Variants in INTS13 observed in about 807,000 individuals in gnomAD.
The protein encoded by INTS13 is asunder, spermatogenesis regulator homolog (Drosphila).
A neutral mutation model predicts 90.2 loss-of-function variants in INTS13; 35 were observed. That is an observed-to-expected ratio of 0.39 (90% CI 0.30 to 0.51). The LOEUF (loss-of-function observed/expected upper bound fraction) is 0.51, where lower values mean the gene tolerates loss of function less well. Ranked by LOEUF, INTS13 falls within the 20% of genes least tolerant of loss-of-function variation. The probability of loss-of-function intolerance (pLI) is 0.80; values close to 1 mark genes in which losing one functional copy is unlikely to be tolerated. For synonymous variants in INTS13, 309 were observed against 277.1 expected, an observed-to-expected ratio of 1.11 and a Z score of -1.14; for missense variants, 601 against 851.2, an observed-to-expected ratio of 0.71 and a Z score of 3.66.
intron 7 of INTS13, among the ~76,000 whole-genome samples, chr12:26,923,226 G>A (rs900478340): frequency 6.6e-6 from 1 of 152,076 alleles, no homozygotes; most frequent in Non-Finnish European, 1.5e-5. Flanking sequence ...AAAGATTGAA[G>A]AGTCACACCA....
intron 8 of INTS13, among the ~76,000 whole-genome samples, chr12:26,920,127 C>CA (rs34416699): frequency 0.53 from 71,109 of 134,298 alleles, 18,051 homozygotes; most frequent in East Asian, 0.79. Flanking sequence ...GACTCTGTCT[C>CA]AAAAAAAAAA....
chr12:26,907,144 G>C (rs1156241558), intron 15 of INTS13, among the ~76,000 whole-genome samples: 1 of 152,150 alleles, frequency 6.6e-6, no homozygotes, highest in Non-Finnish European at 1.5e-5. Flanking sequence ...TAAGGCAAAA[G>C]AATTACAATA....
upstream of INTS13, chr12:26,938,306 TC>T (rs1331738428): frequency 6.6e-6 from 1 of 152,224 alleles, no homozygotes; most frequent in Non-Finnish European, 1.5e-5. Flanking sequence ...CAGGCCGGTT[TC>T]CCCTGGAAAA....
intron 6 of INTS13, 56 bp from the exon 7 acceptor site, chr12:26,924,539 ACTG>A: frequency 6.6e-7 from 1 of 1,515,200 alleles, no homozygotes; most frequent in Non-Finnish European, 9.0e-7. Flanking sequence ...ATTGTGACCT[ACTG>A]CTAAATATTT....
intron 5 of INTS13, among the ~76,000 whole-genome samples, chr12:26,926,703 A>G (rs1232328128): frequency 6.6e-6 from 1 of 152,182 alleles, no homozygotes; most frequent in African/African-American, 2.4e-5. Flanking sequence ...GGGTGCTAGG[A>G]GCATCTTTTG....
intron 5 of INTS13, among the ~76,000 whole-genome samples, chr12:26,926,382 G>T (rs1354000703): frequency 6.6e-6 from 1 of 152,122 alleles, no homozygotes; most frequent in Non-Finnish European, 1.5e-5. Context: ...AGCTATATTT[G>T]CTTTCTCTAT....
At chr12:26,919,781 T>C (rs1952054950) in intron 8 of INTS13, among the ~76,000 whole-genome samples, 1 of 152,030 alleles carries the variant, frequency 6.6e-6, no homozygotes, top group African/African-American at 2.4e-5. Context: ...CATGTTGAAG[T>C]GTAGGTGACT....
intron 8 of INTS13, 69 bp downstream of exon 8, chr12:26,922,547 T>G (rs1199465510): frequency 1.7e-6 from 2 of 1,185,852 alleles, no homozygotes; most frequent in Non-Finnish European, 2.4e-6. Flanking sequence ...TCCCTGAGGA[T>G]GTGGGGGCTA....
chr12:26,929,095 G>T (rs1938047417), intron 3 of INTS13, 190 bp from the exon 4 acceptor site: 2 of 544,498 alleles, frequency 3.7e-6, no homozygotes, highest in Non-Finnish European at 3.2e-6. Flanking sequence ...ATTTATTCTA[G>T]GAATGCAAAG....
intron 14 of INTS13, among the ~76,000 whole-genome samples, chr12:26,912,121 T>A (rs2137422328): frequency 6.6e-6 from 1 of 152,158 alleles, no homozygotes; most frequent in East Asian, 1.9e-4. Flanking sequence ...TACATATGTT[T>A]GAAATTTTCC....
At chr12:26,928,021 G>C (rs893540833) in intron 5 of INTS13, among the ~76,000 whole-genome samples, 184 bp downstream of exon 5, 2 of 151,350 alleles carry the variant, frequency 1.3e-5, no homozygotes, top group African/African-American at 4.9e-5. Flanking sequence ...TCTTGTGGGA[G>C]AAAAGTAAAT....
At chr12:26,917,522 ACT>A in intron 9 of INTS13, 81 bp from the exon 10 acceptor site, 1 of 1,239,524 alleles carries the variant, frequency 8.1e-7, no homozygotes, top group Non-Finnish European at 1.2e-6. Context: ...AAACTTCTTC[ACT>A]GAGTTCATTG....
intron 6 of INTS13, 56 bp from the exon 7 acceptor site, chr12:26,924,539 A>G (rs1235933441): frequency 2.0e-6 from 3 of 1,515,200 alleles, no homozygotes; most frequent in Middle Eastern, 1.8e-4. Context: ...ATTGTGACCT[A>G]CTGCTAAATA....
rs1253727891 is a variant in INTS13, at chr12:26,917,748, CAG to C, written c.890-17_890-16del. On this transcript the variant is annotated splice_polypyrimidine_tract_variant and intron_variant, in intron 8 of 16. Transcript: ENST00000261191. ...ATGCGAATCACCTTTAAAAATATGT[CAG>C]AGACATTACACATTGTATACATGTA... is the stretch of plus-strand genomic sequence containing the variant. The C allele has an allele frequency of 3.8e-6, 6 of 1,586,522 alleles. No homozygotes were observed. The African/African-American group carries it at 5.4e-5, about 14-fold the overall frequency.
chr12:26,928,554 CAAAAAAAAA>C (rs374722209), intron 4 of INTS13, 140 bp downstream of exon 4: 1 of 482,330 alleles, frequency 2.1e-6, no homozygotes, highest in Non-Finnish European at 3.2e-6. Context: ...TATTAAAAGG[CAAAAAAAAA>C]AAAAAGAAAA....
At chr12:26,934,424 G>C (rs1268373246) in intron 3 of INTS13, 132 bp downstream of exon 3, 6 of 672,882 alleles carry the variant, frequency 8.9e-6, no homozygotes, top group Non-Finnish European at 1.6e-5. Flanking sequence ...GGGGATAGCT[G>C]TTTTCATATG....
chr12:26,924,945 A>G (rs1217980150), intron 6 of INTS13, among the ~76,000 whole-genome samples: 2 of 152,184 alleles, frequency 1.3e-5, no homozygotes, highest in African/African-American at 4.8e-5. Flanking sequence ...TCACCAATAA[A>G]TAAGGCAGCT....
In INTS13 at chr12:26,936,569, T is replaced by C. The variant is rs1192809510; in HGVS notation, c.225+10A>G. On this transcript the variant is annotated intron_variant, in intron 2 of 16. Transcript: ENST00000261191. Reference sequence around the variant, plus strand: ...CCAAAATCATGATTTTGTTTGTACTTCACACTCACCAGCTTTTTGAAAGGA... The same window carrying C: ...CCAAAATCATGATTTTGTTTGTACTCCACACTCACCAGCTTTTTGAAAGGA... 3 of 1,584,032 alleles carry C rather than the reference T, an allele frequency of 1.9e-6. No homozygotes were observed. The highest frequency in any genetic ancestry group is 2.6e-6 in the Non-Finnish European group (3 of 1,153,318).
intron 14 of INTS13, among the ~76,000 whole-genome samples, chr12:26,912,754 G>A (rs1951818790): frequency 6.7e-6 from 1 of 148,480 alleles, no homozygotes; most frequent in South Asian, 2.1e-4. Flanking sequence ...TTGAGACAAA[G>A]TCTTACTCTA....
Sources: gnomAD v4.1 joint callset for allele counts (sites outside exome capture counted in the v4.1 genomes callset) on GRCh38, gnomAD v4.1.1 for gene constraint, MANE v1.5 for transcripts, NCBI Gene and HGNC (gene_info 2026-07-23, HGNC 2026-07-21) for gene names.